The following LUZP2 variants were observed in gnomAD, a reference collection of about 807,000 sequenced individuals.
The protein encoded by LUZP2 is leucine zipper protein 2.
Under a neutral mutation model 51.6 loss-of-function variants are expected in LUZP2, and 52 were observed. The observed-to-expected ratio is 1.01, with a 90% CI of 0.81 to 1.27. The LOEUF is 1.27. LUZP2 is among the 50% of genes most tolerant of loss of function. The pLI is 0.00. For synonymous variants in LUZP2, 154 were observed against 137.3 expected, an observed-to-expected ratio of 1.12 and a Z score of -0.85; for missense variants, 436 against 395.4, an observed-to-expected ratio of 1.10 and a Z score of -0.87.
intron 1 of LUZP2, among the ~76,000 whole-genome samples, chr11:24,574,616 C>T (rs1852580542): frequency 6.6e-6 from 1 of 151,918 alleles, no homozygotes; most frequent in Admixed American, 6.6e-5. Flanking sequence ...CCCTCTAAAA[C>T]AAAAGACAGG....
chr11:24,510,362 G>A (rs1376960888), intron 1 of LUZP2, among the ~76,000 whole-genome samples: 2 of 152,202 alleles, frequency 1.3e-5, no homozygotes, highest in Non-Finnish European at 2.9e-5. Flanking sequence ...TTGCCATATT[G>A]GCTTTGGTTC....
chr11:24,622,332 T>C (rs1389124889), intron 1 of LUZP2, among the ~76,000 whole-genome samples: 1 of 151,196 alleles, frequency 6.6e-6, no homozygotes, highest in Non-Finnish European at 1.5e-5. Context: ...CCTGTGTCCA[T>C]GTGTTCTCAT....
At chr11:24,687,796 A>C (rs1565077490) in intron 1 of LUZP2, among the ~76,000 whole-genome samples, 1 of 152,204 alleles carries the variant, frequency 6.6e-6, no homozygotes. Context: ...GAAGATCTAA[A>C]TATATTTGAA....
At chr11:24,828,837 T>C (rs1397116811) in intron 5 of LUZP2, among the ~76,000 whole-genome samples, 1 of 152,146 alleles carries the variant, frequency 6.6e-6, no homozygotes, top group Non-Finnish European at 1.5e-5. Flanking sequence ...AGCTTCTTCT[T>C]AGTTGGCTGT....
chr11:24,809,443 C>T (rs570886512), intron 5 of LUZP2, among the ~76,000 whole-genome samples: 1 of 152,176 alleles, frequency 6.6e-6, no homozygotes, highest in Non-Finnish European at 1.5e-5. Flanking sequence ...TCACCTAAAT[C>T]TGCCGCCCCA....
intron 1 of LUZP2, among the ~76,000 whole-genome samples, chr11:24,724,916 G>A (rs1294583132): frequency 1.3e-5 from 2 of 152,112 alleles, no homozygotes; most frequent in Non-Finnish European, 2.9e-5. Context: ...CACAATAGTA[G>A]CAATAAGTCT....
chr11:24,525,350 T>C (rs896869841), intron 1 of LUZP2, among the ~76,000 whole-genome samples: 4 of 151,678 alleles, frequency 2.6e-5, no homozygotes, highest in Admixed American at 2.6e-4. Context: ...CTAGAAGGTA[T>C]GTAGCAGGCT....
chr11:24,678,078 G>GGGT (rs1554972304), intron 1 of LUZP2, among the ~76,000 whole-genome samples: 30 of 120,230 alleles, frequency 2.5e-4, no homozygotes, highest in Admixed American at 1.6e-4. Flanking sequence ...AGGAGAAAGG[G>GGGT]GGGGGGGGGT....
chr11:24,656,920 G>C (rs1027720522), intron 1 of LUZP2, among the ~76,000 whole-genome samples: 13 of 152,114 alleles, frequency 8.5e-5, no homozygotes, highest in African/African-American at 2.9e-4. Flanking sequence ...TTATCTTAAT[G>C]TCTGTAACTT....
chr11:24,644,602 T>C (rs1855409549), intron 1 of LUZP2, among the ~76,000 whole-genome samples: 2 of 151,846 alleles, frequency 1.3e-5, no homozygotes, highest in Admixed American at 6.6e-5. Context: ...TCCATGTAGA[T>C]CACAAAGCAA....
intron 1 of LUZP2, among the ~76,000 whole-genome samples, chr11:24,559,601 C>G (rs1851971331): frequency 6.6e-6 from 1 of 152,142 alleles, no homozygotes; most frequent in Admixed American, 6.6e-5. Context: ...TTTTTTATGA[C>G]AAACTGCTGT....
intron 1 of LUZP2, among the ~76,000 whole-genome samples, chr11:24,657,638 T>C (rs2133975139): frequency 6.6e-6 from 1 of 152,240 alleles, no homozygotes; most frequent in South Asian, 2.1e-4. Context: ...AGTCAAATTG[T>C]CCCTGTTTGG....
intron 5 of LUZP2, among the ~76,000 whole-genome samples, chr11:24,833,324 A>G: frequency 6.6e-6 from 1 of 152,214 alleles, no homozygotes; most frequent in East Asian, 1.9e-4. Flanking sequence ...AATATTCACC[A>G]AAACAACTGG....
At chr11:24,724,929 C>CA (rs1858416228) in intron 1 of LUZP2, among the ~76,000 whole-genome samples, 1 of 151,904 alleles carries the variant, frequency 6.6e-6, no homozygotes, top group Non-Finnish European at 1.5e-5. Flanking sequence ...ATAAGTCTAA[C>CA]AAAAAATGAG....
intron 5 of LUZP2, among the ~76,000 whole-genome samples, chr11:24,788,381 G>T (rs2134089525): frequency 6.6e-6 from 1 of 151,316 alleles, no homozygotes; most frequent in Non-Finnish European, 1.5e-5. Context: ...GTAGAGACGG[G>T]GTTTCACCAT....
Position 25,007,392 on chromosome 11 carries a change from CAGG to C in LUZP2, c.765+24102_765+24104del, listed in dbSNP as rs1266918228. Among the ~76,000 whole-genome samples, 4 of 152,258 alleles carry C rather than the reference CAGG, an allele frequency of 2.6e-5. No homozygotes were observed. The East Asian group carries it at 7.7e-4, about 29-fold the overall frequency. On this transcript the variant is annotated intron_variant, in intron 9 of 11. Transcript: ENST00000336930. ...CTGAGGTGGGCAAATCACTTGAGGT[CAGG>C]AGTTCAAGACCAGCCTGGCTAACAT...
intron 7 of LUZP2, among the ~76,000 whole-genome samples, chr11:24,971,709 A>C (rs1165831456): frequency 6.6e-6 from 1 of 152,132 alleles, no homozygotes; most frequent in African/African-American, 2.4e-5. Context: ...ATCCTTTCCA[A>C]ACTGGAATCA....
intron 9 of LUZP2, among the ~76,000 whole-genome samples, chr11:25,013,577 CTT>C (rs1466675791): frequency 6.6e-6 from 1 of 151,796 alleles, no homozygotes; most frequent in African/African-American, 2.4e-5. Context: ...TTCCTTGTTT[CTT>C]TTTTCACTTT....
At chr11:24,889,036 C>T (rs1443114008) in intron 5 of LUZP2, among the ~76,000 whole-genome samples, 1 of 152,136 alleles carries the variant, frequency 6.6e-6, no homozygotes, top group Non-Finnish European at 1.5e-5. Flanking sequence ...ATTATGAAAA[C>T]ACACTAATAC....
Sources: gnomAD v4.1 joint callset for allele counts (sites outside exome capture counted in the v4.1 genomes callset) on GRCh38, gnomAD v4.1.1 for gene constraint, MANE v1.5 for transcripts, NCBI Gene and HGNC (gene_info 2026-07-23, HGNC 2026-07-21) for gene names.